UBR4: variants seen among roughly 807,000 people sequenced by gnomAD.
UBR4 encodes the protein E3 ubiquitin-protein ligase UBR4.
UBR4 carries 124 observed loss-of-function variants against 575.6 expected under a neutral mutation model. The observed-to-expected ratio is 0.22, with a 90% confidence interval of 0.19 to 0.25. UBR4 has a LOEUF of 0.25. UBR4 is among the 10% of genes least tolerant of loss of function. The probability of loss-of-function intolerance (pLI) is 1.00; values close to 1 mark genes in which losing one functional copy is unlikely to be tolerated. For missense variants in UBR4, 4,818 were observed against 6,478.8 expected, an observed-to-expected ratio of 0.74 and a Z score of 8.80; for synonymous variants, 2,455 against 2,473.7, an observed-to-expected ratio of 0.99 and a Z score of 0.22.
chr1:19,086,068 G>C, intron 101 of UBR4, 77 bp downstream of exon 101: 1 of 1,554,356 alleles, frequency 6.4e-7, no homozygotes, highest in Non-Finnish European at 8.7e-7. Context: ...GTCACCAGGG[G>C]ATTGGGCTGA....
At chr1:19,118,170 T>G (rs1320128187) in intron 71 of UBR4, 10 of 389,914 alleles carry the variant, frequency 2.6e-5, no homozygotes, top group African/African-American at 2.1e-4. Context: ...AGTAGTAAAA[T>G]TTGACTCAAG....
In UBR4 at chr1:19,124,563, G is replaced by T. The variant is rs749139093; in HGVS notation, c.9566C>A (p.Ser3189Ter). 1 of 1,614,186 alleles carries T rather than the reference G, an allele frequency of 6.2e-7. No homozygotes were observed. The highest frequency in any genetic ancestry group is 8.5e-7 in the Non-Finnish European group (1 of 1,180,018). Residue 3189 changes from serine to a stop codon, truncating the protein, a stop_gained, in exon 65 of 106, where the codon TCG (serine) becomes TAG (stop). Coordinates refer to ENST00000375254, the MANE Select transcript of UBR4 (RefSeq NM_020765.3). LOFTEE classifies it high-confidence loss of function. ...SRIPPPVFDHSWFYFLSEYLM... is the reference protein window; with the variant it reads ...SRIPPPVFDH Reference sequence around the variant, plus strand: ...TACCTCGGAGAGAAAGTAAAACCACGAGTGGTCAAAGACAGGAGGTGGGAT... The same window carrying T: ...TACCTCGGAGAGAAAGTAAAACCACTAGTGGTCAAAGACAGGAGGTGGGAT...
intron 33 of UBR4, 80 bp downstream of exon 33, chr1:19,164,173 A>T: frequency 1.4e-6 from 2 of 1,477,386 alleles, no homozygotes; most frequent in Admixed American, 2.3e-5. Context: ...TTTCTTCTGT[A>T]CTCACTTTGA....
At chr1:19,094,765 A>T in intron 94 of UBR4, 141 bp downstream of exon 94, 2 of 1,115,672 alleles carry the variant, frequency 1.8e-6, no homozygotes, top group Non-Finnish European at 2.5e-6. Flanking sequence ...TGTCATCATT[A>T]GTTGAGTCCT....
chr1:19,101,485 C>T, intron 88 of UBR4, 35 bp downstream of exon 88: 1 of 1,578,692 alleles, frequency 6.3e-7, no homozygotes, highest in South Asian at 1.1e-5. Context: ...GCTGTGCTGA[C>T]ACTCGAGAGC....
At chr1:19,126,391 A>G (rs2081798137) in intron 64 of UBR4, 55 bp downstream of exon 64, 2 of 1,605,584 alleles carry the variant, frequency 1.2e-6, no homozygotes, top group Admixed American at 1.7e-5. Context: ...GCGAGGAAAG[A>G]GAAGAGTGCT....
rs1302560464 is a variant in UBR4 at position 19,177,674 on chromosome 1, T to C, written c.2424A>G (p.Val808=). 1 of 1,614,062 alleles carries C rather than the reference T, an allele frequency of 6.2e-7. No homozygotes were observed. ...VVPSETEDLN[V]EHLQMLLLIF... ...TGAGGAGGAGCATCTGCAGGTGTTC[T>C]ACATTCAGATCCTCTGTCTCACTGG... Residue 808 remains valine, a synonymous_variant, in exon 19 of 106, where the codon GTA becomes GTG. Transcript: ENST00000375254.
At chr1:19,103,776 C>T (rs2078905033) in intron 87 of UBR4, among the ~76,000 whole-genome samples, 1 of 152,154 alleles carries the variant, frequency 6.6e-6, no homozygotes, top group South Asian at 2.1e-4. Flanking sequence ...AAAGAGAATA[C>T]AGCAGAGGGG....
intron 7 of UBR4, 74 bp from the exon 8 acceptor site, chr1:19,197,339 T>C (rs1281707811): frequency 2.0e-5 from 32 of 1,594,686 alleles, no homozygotes; most frequent in Non-Finnish European, 2.3e-5. Context: ...AAAGAAATTA[T>C]CAGCATGGGC....
chr1:19,086,033 C>A, intron 101 of UBR4, 112 bp downstream of exon 101: 1 of 1,452,514 alleles, frequency 6.9e-7, no homozygotes, highest in Non-Finnish European at 9.2e-7. Flanking sequence ...GACATGGATT[C>A]CCAAGGAAGG....
At position 19,110,213 on chromosome 1, in the gene UBR4, A is replaced by G. The variant is rs752746619; in HGVS notation, c.11988T>C (p.Leu3996=). The part of the protein sequence containing the change: ...WELRLRCALS[L]FLMAVNIKTP... Reference sequence around the variant, plus strand: ...TCTTAATGTTCACAGCCATGAGGAAAAGGCTGAGAGCTAGGGATGGTCAGG... The same window carrying G: ...TCTTAATGTTCACAGCCATGAGGAAGAGGCTGAGAGCTAGGGATGGTCAGG... The change falls in exon 81 of 106, where the codon CTT becomes CTC. Residue 3996 remains leucine, a synonymous_variant. Coordinates refer to ENST00000375254, the MANE Select transcript of UBR4 (RefSeq NM_020765.3). This position sits in a 1 kb window ranked among gnomAD's most constrained non-coding sequence, Gnocchi z 4.5. The G allele has an allele frequency of 5.0e-6, 8 of 1,614,224 alleles. No individual in the cohort carries two copies. The highest frequency in any genetic ancestry group is 6.8e-6 in the Non-Finnish European group (8 of 1,180,030).
At chr1:19,165,550 G>T in intron 30 of UBR4, 106 bp downstream of exon 30, 1 of 1,259,342 alleles carries the variant, frequency 7.9e-7, no homozygotes. Context: ...CACCTAACCA[G>T]GCCTTAAATA....
At chr1:19,127,585 TAC>T in intron 63 of UBR4, 36 bp downstream of exon 63, 2 of 1,551,572 alleles carry the variant, frequency 1.3e-6, no homozygotes, top group East Asian at 4.5e-5. Context: ...ACAATCCGCT[TAC>T]CTTTCCCCAA....
intron 102 of UBR4, among the ~76,000 whole-genome samples, chr1:19,083,604 G>A (rs2076734408): frequency 6.6e-6 from 1 of 152,144 alleles, no homozygotes; most frequent in African/African-American, 2.4e-5. Context: ...GTGTGATCAC[G>A]ACTCACTGCA....
chr1:19,208,408 A>G (rs948047156), intron 1 of UBR4, among the ~76,000 whole-genome samples: 7 of 138,774 alleles, frequency 5.0e-5, no homozygotes, highest in Non-Finnish European at 9.1e-5. Context: ...TGGAGCTTGC[A>G]GTGAGCTGAG....
chr1:19,087,659 C>A (rs748529363), intron 99 of UBR4, among the ~76,000 whole-genome samples, 157 bp downstream of exon 99: 1 of 152,224 alleles, frequency 6.6e-6, no homozygotes, highest in Non-Finnish European at 1.5e-5. Context: ...CGCCTTCCTG[C>A]CTCTAAAGAG....
In UBR4 at chr1:19,153,246, G is replaced by C. The variant is rs1295307472; in HGVS notation, c.6832+55C>G. The C allele has an allele frequency of 8.9e-6, 14 of 1,568,772 alleles. No homozygotes were observed. The highest frequency in any genetic ancestry group is 1.2e-5 in the Non-Finnish European group (14 of 1,139,816). On this transcript the variant is annotated intron_variant, in intron 46 of 105. Coordinates refer to ENST00000375254, the MANE Select transcript of UBR4 (RefSeq NM_020765.3). The surrounding 1 kb of genome is among the most constrained non-coding windows in gnomAD (Gnocchi z 4.1). ...TTTCAACAGTCTATTCTGAGTCACTGTCTAGAAGACCACCATTCCTACTCC... is the reference window on the plus strand; with the variant it reads ...TTTCAACAGTCTATTCTGAGTCACTCTCTAGAAGACCACCATTCCTACTCC...
chr1:19,185,387 T>A, intron 14 of UBR4, 101 bp from the exon 15 acceptor site: 1 of 1,174,304 alleles, frequency 8.5e-7, no homozygotes, highest in East Asian at 2.6e-5. Flanking sequence ...AATACAAGGA[T>A]ATCCCAATTG....
chr1:19,160,438 G>A (rs181550680), intron 38 of UBR4, among the ~76,000 whole-genome samples, 157 bp from the exon 39 acceptor site: 1 of 152,088 alleles, frequency 6.6e-6, no homozygotes, highest in East Asian at 1.9e-4. Flanking sequence ...CATAATCCTG[G>A]CATTGATTCC....
Sources: allele counts gnomAD v4.1 joint callset (sites outside exome capture counted in the v4.1 genomes callset), GRCh38; gene constraint gnomAD v4.1.1; non-coding constraint Gnocchi (gnomAD v3.1); transcripts MANE v1.5; gene names NCBI Gene and HGNC (gene_info 2026-07-23, HGNC 2026-07-21).